DPYSL3: variants seen among roughly 807,000 people sequenced by gnomAD.
DPYSL3 encodes dihydropyrimidinase like 3.
DPYSL3 carries 16 observed loss-of-function variants against 66.1 expected under a neutral mutation model. The ratio of observed to expected loss-of-function variants is 0.24; its 90% confidence interval spans 0.16 to 0.37. DPYSL3 has a LOEUF of 0.37. Ranked by LOEUF, DPYSL3 falls within the 10% of genes least tolerant of loss-of-function variation. DPYSL3 has a pLI of 1.00. For missense variants in DPYSL3, 738 were observed against 916.2 expected (o/e 0.81, Z 2.51); for synonymous variants, 338 against 345.1 (o/e 0.98, Z 0.23).
Position 147,510,047 on chromosome 5 carries a change from G to A in DPYSL3, c.-189C>T. 1.0e-6 allele frequency: 1 copy of A among 1,003,610 alleles called. No individual in the cohort carries two copies. Among genetic ancestry groups the A allele is most frequent in the Non-Finnish European group, 1.4e-6 (1 of 718,122 alleles). 62.2% of individuals were successfully genotyped at this position (1,003,610 alleles called of 1,614,324 possible). On this transcript the variant is annotated 5_prime_UTR_variant, in exon 1 of 14. Coordinates refer to ENST00000343218, the MANE Select transcript of DPYSL3 (RefSeq NM_001197294.2). ...CCAGCGAGCCACACAGCCAGCTAGCGCGCGGAGCAGGGGCCCAGAGTAGCG... is the reference window on the plus strand; with the variant it reads ...CCAGCGAGCCACACAGCCAGCTAGCACGCGGAGCAGGGGCCCAGAGTAGCG...
intron 1 of DPYSL3, among the ~76,000 whole-genome samples, chr5:147,456,554 A>G (rs1312818328): frequency 6.7e-6 from 1 of 150,354 alleles, no homozygotes; most frequent in Non-Finnish European, 1.5e-5. Flanking sequence ...CTCCACAGAC[A>G]ATCTTTCAGC....
At chr5:147,445,884 T>C (rs1752621882) in intron 1 of DPYSL3, among the ~76,000 whole-genome samples, 1 of 152,136 alleles carries the variant, frequency 6.6e-6, no homozygotes, top group South Asian at 2.1e-4. Flanking sequence ...ATACTAACGC[T>C]CTACTAGGCA....
chr5:147,485,708 G>A (rs770275350), intron 1 of DPYSL3, among the ~76,000 whole-genome samples: 3 of 152,168 alleles, frequency 2.0e-5, no homozygotes, highest in Non-Finnish European at 4.4e-5. Context: ...GAGCAGGATG[G>A]TAGGTTGGAA....
chr5:147,415,130 C>T (rs769070854), intron 4 of DPYSL3, among the ~76,000 whole-genome samples: 10 of 152,258 alleles, frequency 6.6e-5, no homozygotes, highest in Non-Finnish European at 1.0e-4. Flanking sequence ...AGAGGACACA[C>T]GCTGGCAAAC....
intron 1 of DPYSL3, among the ~76,000 whole-genome samples, chr5:147,432,203 C>T (rs954728017): frequency 2.0e-5 from 3 of 152,134 alleles, no homozygotes; most frequent in Admixed American, 1.3e-4. Flanking sequence ...ATGCAACCCA[C>T]GAAGCAGAAT....
intron 1 of DPYSL3, among the ~76,000 whole-genome samples, chr5:147,448,157 T>A (rs995976): frequency 0.61 from 92,236 of 151,910 alleles, 28,477 homozygotes; most frequent in African/African-American, 0.72. Context: ...AAAAGAGCAG[T>A]CAAGCCACTA....
chr5:147,411,324 G>T (rs1053776883), intron 6 of DPYSL3, among the ~76,000 whole-genome samples: 1 of 152,170 alleles, frequency 6.6e-6, no homozygotes, highest in Non-Finnish European at 1.5e-5. Context: ...AGACAACATG[G>T]AGAGTCTGAA....
chr5:147,459,468 G>A (rs1258357012), intron 1 of DPYSL3, among the ~76,000 whole-genome samples: 1 of 151,892 alleles, frequency 6.6e-6, no homozygotes, highest in Middle Eastern at 3.2e-3. Context: ...CCAAACAAAG[G>A]AAATCTCAGT....
intron 12 of DPYSL3, among the ~76,000 whole-genome samples, chr5:147,397,107 T>G (rs1412597053): frequency 6.7e-6 from 1 of 148,376 alleles, no homozygotes; most frequent in African/African-American, 2.4e-5. Context: ...AATATATATT[T>G]AATTTCTCTG....
At chr5:147,465,095 A>G (rs1413316845) in intron 1 of DPYSL3, among the ~76,000 whole-genome samples, 1 of 152,202 alleles carries the variant, frequency 6.6e-6, no homozygotes, top group South Asian at 2.1e-4. Flanking sequence ...TTGGGAGGCT[A>G]AAATAGGAGG....
At chr5:147,455,830 A>G (rs1337714904) in intron 1 of DPYSL3, among the ~76,000 whole-genome samples, 2 of 151,606 alleles carry the variant, frequency 1.3e-5, no homozygotes, top group Admixed American at 1.3e-4. Context: ...CTTACATCTG[A>G]GTTATCTCCT....
At chr5:147,401,874 A>T in intron 8 of DPYSL3, 178 bp from the exon 9 acceptor site, 1 of 630,600 alleles carries the variant, frequency 1.6e-6, no homozygotes, top group South Asian at 2.8e-5. Flanking sequence ...GCTAAATGTG[A>T]CCAAGTTTGT....
At chr5:147,455,648 G>C (rs1561795140) in intron 1 of DPYSL3, among the ~76,000 whole-genome samples, 1 of 151,812 alleles carries the variant, frequency 6.6e-6, no homozygotes, top group Non-Finnish European at 1.5e-5. Flanking sequence ...AACCAGCAGA[G>C]CTCTCTCTCT....
At chr5:147,475,011 T>C (rs1042637232) in intron 1 of DPYSL3, among the ~76,000 whole-genome samples, 1 of 152,016 alleles carries the variant, frequency 6.6e-6, no homozygotes, top group Non-Finnish European at 1.5e-5. Context: ...GAATGAAACA[T>C]GGTACAACCA....
chr5:147,485,548 TAG>T (rs1445117757), intron 1 of DPYSL3, among the ~76,000 whole-genome samples: 3 of 152,220 alleles, frequency 2.0e-5, no homozygotes, highest in Admixed American at 2.0e-4. Context: ...TTAAAATGCA[TAG>T]AGTGACTTAT....
chr5:147,469,002 C>G (rs78650197), intron 1 of DPYSL3, among the ~76,000 whole-genome samples: 7 of 152,300 alleles, frequency 4.6e-5, no homozygotes, highest in Non-Finnish European at 5.9e-5. Flanking sequence ...CTATTTTCCA[C>G]GACAACACCA....
At position 147,480,201 on chromosome 5, in the gene DPYSL3, T is replaced by A. The variant is rs117299497; in HGVS notation, c.381+29277A>T. Among the ~76,000 whole-genome samples, 805 of 152,264 alleles carry A rather than the reference T, an allele frequency of 5.3e-3. 26 individuals carry two copies. The East Asian group carries it at 0.1, about 20-fold the overall frequency. On this transcript the variant is annotated intron_variant, in intron 1 of 13. Transcript: ENST00000343218. Reference sequence around the variant, plus strand: ...GTTTGCCTGTTCCTGCCAGCATCACTCCTGTAGCGGCAGTCATCTCCGGCC... The same window carrying A: ...GTTTGCCTGTTCCTGCCAGCATCACACCTGTAGCGGCAGTCATCTCCGGCC...
chr5:147,504,815 A>G (rs1477847083), intron 1 of DPYSL3, among the ~76,000 whole-genome samples: 5 of 152,206 alleles, frequency 3.3e-5, no homozygotes, highest in Admixed American at 3.3e-4. Context: ...GACTCCTGAT[A>G]GAAAGTTATC....
At chr5:147,421,031 A>T (rs1356938009) in intron 2 of DPYSL3, among the ~76,000 whole-genome samples, 2 of 152,226 alleles carry the variant, frequency 1.3e-5, no homozygotes, top group African/African-American at 4.8e-5. Flanking sequence ...CAGACAAGAG[A>T]AAGAAATAAA....
Sources: gnomAD v4.1 joint callset for allele counts (sites outside exome capture counted in the v4.1 genomes callset) on GRCh38, gnomAD v4.1.1 for gene constraint, MANE v1.5 for transcripts, NCBI Gene and HGNC (gene_info 2026-07-23, HGNC 2026-07-21) for gene names.